The following DPP10 variants were observed in gnomAD, a reference collection of about 807,000 sequenced individuals.
The protein encoded by DPP10 is dipeptidyl peptidase like 10, also known as inactive dipeptidyl peptidase 10.
In DPP10, 33 loss-of-function variants were observed where a neutral mutation model predicts 120.9. The observed-to-expected ratio is 0.27, with a 90% CI of 0.21 to 0.37. DPP10 has a LOEUF of 0.37. Among genes scored for constraint, DPP10 ranks in the 10% least tolerant of loss-of-function variants. The pLI, the probability that DPP10 is intolerant of heterozygous loss-of-function variation, is 1.00. For synonymous variants in DPP10, 337 were observed against 326.1 expected, an observed-to-expected ratio of 1.03 and a Z score of -0.36; for missense variants, 816 against 942.8, an observed-to-expected ratio of 0.87 and a Z score of 1.76.
intron 10 of DPP10, 75 bp downstream of exon 10, chr2:115,746,258 G>A (rs955463258): frequency 8.6e-6 from 11 of 1,274,432 alleles, no homozygotes; most frequent in Non-Finnish European, 1.2e-5. Context: ...GCAATTTAGA[G>A]AGAGATGTGA....
intron 1 of DPP10, among the ~76,000 whole-genome samples, chr2:115,154,623 T>C (rs542087929): frequency 6.6e-6 from 1 of 152,142 alleles, no homozygotes; most frequent in Non-Finnish European, 1.5e-5. Flanking sequence ...TTATAGGAGA[T>C]GCTAATAGAG....
intron 1 of DPP10, among the ~76,000 whole-genome samples, chr2:114,654,409 A>C (rs1010441630): frequency 3.9e-5 from 6 of 152,340 alleles, no homozygotes; most frequent in African/African-American, 1.4e-4. Context: ...AAGAAAGAAG[A>C]AAAAAGCAGA....
At chr2:115,299,008 C>G (rs1022271252) in intron 1 of DPP10, among the ~76,000 whole-genome samples, 3 of 152,006 alleles carry the variant, frequency 2.0e-5, no homozygotes, top group African/African-American at 7.2e-5. Context: ...TTTTAAGAAG[C>G]AGTAGGCACT....
In DPP10 at chr2:115,473,192, G is replaced by A. The variant is rs72842230; in HGVS notation, c.272-26318G>A. 6.7e-3 allele frequency among the ~76,000 whole-genome samples: 1,015 copies of A among 152,222 alleles called. 4 individuals carry two copies. The highest frequency in any genetic ancestry group is 0.011 in the Non-Finnish European group (735 of 68,002). ...TGTAATATTATTTTGGTAAAATTAT[G>A]AATGGGATCATGCCTCATACATAGT... On this transcript the variant is annotated intron_variant, in intron 3 of 25. Transcript: ENST00000410059.
At chr2:114,483,044 G>A (rs139419710) in intron 1 of DPP10, among the ~76,000 whole-genome samples, 4 of 152,226 alleles carry the variant, frequency 2.6e-5, no homozygotes, top group African/African-American at 7.2e-5. Context: ...GTTTGGACTC[G>A]TTTTTCCATT....
At chr2:114,465,302 T>G (rs1218133899) in intron 1 of DPP10, among the ~76,000 whole-genome samples, 1 of 152,224 alleles carries the variant, frequency 6.6e-6, no homozygotes, top group East Asian at 1.9e-4. Context: ...TAAATGTTAG[T>G]GCTTACTTGC....
At chr2:115,635,427 C>T (rs752218647) in intron 5 of DPP10, among the ~76,000 whole-genome samples, 1 of 152,150 alleles carries the variant, frequency 6.6e-6, no homozygotes. Context: ...CCGCCTCCCT[C>T]GGCTGAAGGT....
At chr2:114,964,585 A>G (rs1287680166) in intron 1 of DPP10, among the ~76,000 whole-genome samples, 2 of 152,142 alleles carry the variant, frequency 1.3e-5, no homozygotes, top group African/African-American at 2.4e-5. Context: ...CTATCCAAGC[A>G]GAGGGAAGAG....
intron 1 of DPP10, among the ~76,000 whole-genome samples, chr2:115,250,312 A>G (rs1015849365): frequency 6.6e-6 from 1 of 152,212 alleles, no homozygotes; most frequent in Non-Finnish European, 1.5e-5. Context: ...TAGATGAGGA[A>G]GCTTCTCTCC....
In DPP10 at chr2:115,528,339, C is replaced by A. The variant is rs183344209; in HGVS notation, c.441+2367C>A. 4.2e-3 allele frequency among the ~76,000 whole-genome samples: 634 copies of A among 150,588 alleles called. 2 individuals carry two copies. The highest frequency in any genetic ancestry group is 6.2e-3 in the Non-Finnish European group (421 of 67,676). The stretch of plus-strand genomic sequence containing the variant: ...AAACCTGCACATTGTGCACATGTAC[C>A]CTAGAACTTAAAGTATAATAAAAAT... On this transcript the variant is annotated intron_variant, in intron 5 of 25. Coordinates refer to ENST00000410059, the MANE Select transcript of DPP10 (RefSeq NM_020868.6).
chr2:114,989,447 C>T (rs1700625845), intron 1 of DPP10, among the ~76,000 whole-genome samples: 1 of 152,106 alleles, frequency 6.6e-6, no homozygotes, highest in Admixed American at 6.5e-5. Context: ...AAGAAGTGAT[C>T]GTTGCTTAAG....
Position 115,814,804 on chromosome 2 carries a change from C to G in DPP10, c.1712C>G (p.Pro571Arg). 2 of 1,543,302 alleles carry G rather than the reference C, an allele frequency of 1.3e-6. No homozygotes were observed. The highest frequency in any genetic ancestry group is 1.8e-6 in the Non-Finnish European group (2 of 1,130,874). The change falls in exon 20 of 26, where the codon CCA becomes CGA. Residue 571 changes from proline to arginine, a missense_variant. Pro to Arg is a moderately radical substitution (Grantham distance 103). Coordinates refer to ENST00000410059, the MANE Select transcript of DPP10 (RefSeq NM_020868.6). ...YALLLIMDEE[P>R]GGQLVTDKFH... ...GTTGGTATTTGCAGGGATGAAGAAC[C>G]AGGAGGCCAGCTGGTTACAGATAAG...
In DPP10 at chr2:115,296,399, T is replaced by G. The variant is rs892396927; in HGVS notation, c.61-12840T>G. Among the ~76,000 whole-genome samples, 4 of 152,214 alleles carry G rather than the reference T, an allele frequency of 2.6e-5. No individual in the cohort carries two copies. The South Asian group carries it at 8.3e-4, about 32-fold the overall frequency. ...ATGGCTTTTTACTATTTTCTTAACCTATGTTTGGCATCTTACCTGACTCCT... is the reference window on the plus strand; with the variant it reads ...ATGGCTTTTTACTATTTTCTTAACCGATGTTTGGCATCTTACCTGACTCCT... On this transcript the variant is annotated intron_variant, in intron 1 of 25. Transcript: ENST00000410059.
At chr2:115,374,465 G>C (rs1208397337) in intron 3 of DPP10, among the ~76,000 whole-genome samples, 2 of 152,160 alleles carry the variant, frequency 1.3e-5, no homozygotes, top group African/African-American at 4.8e-5. Context: ...CAGGTGCATG[G>C]TGCGTGCTGT....
At chr2:114,604,463 T>C (rs1012968977) in intron 1 of DPP10, among the ~76,000 whole-genome samples, 1 of 152,108 alleles carries the variant, frequency 6.6e-6, no homozygotes, top group Admixed American at 6.6e-5. Context: ...GATGGAGTTT[T>C]GCCCTGACCC....
rs1305361149 is a variant in DPP10 at position 114,530,259 on chromosome 2, T to C, written c.60+87421T>C. Among the ~76,000 whole-genome samples, 6 of 152,178 alleles carry C rather than the reference T, an allele frequency of 3.9e-5. No homozygotes were observed. In the East Asian group the frequency reaches 1.2e-3, roughly 29 times the overall value. On this transcript the variant is annotated intron_variant, in intron 1 of 25. Transcript: ENST00000410059. ...AGGATGTTCTGTGCCTTGTTTTTCA[T>C]TTTATCTGTAACAATTTGCACAACT...
At chr2:115,038,575 C>T (rs944775770) in intron 1 of DPP10, among the ~76,000 whole-genome samples, 7 of 152,130 alleles carry the variant, frequency 4.6e-5, no homozygotes, top group Admixed American at 2.6e-4. Context: ...CTGCACCCAG[C>T]CTCAGCACAT....
chr2:115,646,089 C>G (rs1367578185), intron 5 of DPP10, among the ~76,000 whole-genome samples: 1 of 152,036 alleles, frequency 6.6e-6, no homozygotes, highest in Non-Finnish European at 1.5e-5. Flanking sequence ...CACATGCACA[C>G]ACATGCACGT....
At chr2:115,002,946 A>C (rs1482720623) in intron 1 of DPP10, among the ~76,000 whole-genome samples, 1 of 152,104 alleles carries the variant, frequency 6.6e-6, no homozygotes, top group Non-Finnish European at 1.5e-5. Context: ...TGTGGAAAGC[A>C]GTGTGGTGAT....
Sources: allele counts gnomAD v4.1 joint callset (sites outside exome capture counted in the v4.1 genomes callset), GRCh38; gene constraint gnomAD v4.1.1; transcripts MANE v1.5; gene names NCBI Gene and HGNC (gene_info 2026-07-23, HGNC 2026-07-21).